The following CLEC4C variants were observed in gnomAD, a reference collection of about 807,000 sequenced individuals.
The protein encoded by CLEC4C is C-type lectin domain family 4 member C.
A neutral mutation model predicts 27.7 loss-of-function variants in CLEC4C; 17 were observed. The ratio of observed to expected loss-of-function variants is 0.61; its 90% CI spans 0.42 to 0.92. CLEC4C has a LOEUF of 0.92. Among genes scored for constraint, CLEC4C ranks in the 40% least tolerant of loss-of-function variants. The pLI is 0.00. For missense variants in CLEC4C, 244 were observed against 257.3 expected, an observed-to-expected ratio of 0.95 and a Z score of 0.35; for synonymous variants, 80 against 80.8, an observed-to-expected ratio of 0.99 and a Z score of 0.06.
chr12:7,737,051 T>C (rs745965518), intron 4 of CLEC4C, among the ~76,000 whole-genome samples: 3 of 151,944 alleles, frequency 2.0e-5, no homozygotes, highest in Non-Finnish European at 4.4e-5. Context: ...ACTAACATGG[T>C]GAAACCTCGT....
intron 3 of CLEC4C, among the ~76,000 whole-genome samples, chr12:7,739,691 T>G (rs1043927112): frequency 1.1e-5 from 1 of 91,484 alleles, no homozygotes; most frequent in African/African-American, 3.1e-5. Flanking sequence ...ATTTATTATC[T>G]TTTTTTTAGA....
At chr12:7,737,686 G>A (rs1261970242) in intron 3 of CLEC4C, 112 bp from the exon 4 acceptor site, 4 of 1,037,628 alleles carry the variant, frequency 3.9e-6, no homozygotes, top group Non-Finnish European at 5.5e-6. Flanking sequence ...GGATCTCCAC[G>A]GATTTTCCAA....
intron 2 of CLEC4C, 97 bp downstream of exon 2, chr12:7,746,231 AAAG>A (rs1418120583): frequency 5.5e-6 from 4 of 720,978 alleles, no homozygotes; most frequent in Admixed American, 2.8e-5. Flanking sequence ...AAAAAAAAAA[AAAG>A]AAAAAAAAAG....
At chr12:7,747,677 T>A (rs1377988505), upstream of CLEC4C, among the ~76,000 whole-genome samples, 1 of 131,240 alleles carries the variant, frequency 7.6e-6, no homozygotes, top group Non-Finnish European at 1.6e-5. Context: ...GGTCTCACTC[T>A]GCCACCCAGG....
At chr12:7,741,103 C>T (rs1159939711) in intron 3 of CLEC4C, among the ~76,000 whole-genome samples, 2 of 152,186 alleles carry the variant, frequency 1.3e-5, no homozygotes, top group Non-Finnish European at 2.9e-5. Flanking sequence ...GCTGGGATTA[C>T]AGGCTTGAGC....
intron 5 of CLEC4C, 136 bp downstream of exon 5, chr12:7,730,661 C>T (rs76691875): frequency 2.7e-6 from 1 of 371,524 alleles, no homozygotes; most frequent in South Asian, 3.5e-5. Flanking sequence ...AAAAAAAGCA[C>T]AACCCTTGAT....
intron 2 of CLEC4C, among the ~76,000 whole-genome samples, chr12:7,743,368 CTCACT>C (rs1201851995): frequency 4.0e-5 from 6 of 150,826 alleles, no homozygotes; most frequent in Non-Finnish European, 7.4e-5. Context: ...TTCACTTATC[CTCACT>C]TAATTCTTTT....
At chr12:7,734,328 T>C (rs912286116) in intron 4 of CLEC4C, among the ~76,000 whole-genome samples, 14 of 152,110 alleles carry the variant, frequency 9.2e-5, no homozygotes, top group Non-Finnish European at 1.5e-5. Flanking sequence ...TTGAAAACTT[T>C]GTACGGTTAG....
intron 2 of CLEC4C, among the ~76,000 whole-genome samples, chr12:7,743,003 T>C (rs1864891397): frequency 6.6e-6 from 1 of 152,164 alleles, no homozygotes; most frequent in South Asian, 2.1e-4. Flanking sequence ...CTTGTTTGTT[T>C]ATAAGTTTAC....
Position 7,730,701 on chromosome 12 carries a change from T to C in CLEC4C, c.497+96A>G, listed in dbSNP as rs1864575786. 3 of 666,728 alleles carry C rather than the reference T, an allele frequency of 4.5e-6. No individual in the cohort carries two copies. In the Admixed American group the frequency reaches 7.5e-5, roughly 17 times the overall value. The allele number at this position is 666,728 out of a possible 1,614,324, so 41.3% of individuals were successfully genotyped here. A position where few individuals can be genotyped will look rare whatever the true frequency, so the allele number is the denominator to read the frequency against. The stretch of plus-strand genomic sequence containing the variant: ...AATAGACCTAGGTTTTAAAAAGTGT[T>C]GTGGGTTTTATTGTTTGTTTGCTTA... On this transcript the variant is annotated intron_variant, in intron 5 of 5. Coordinates refer to ENST00000360345, the MANE Select transcript of CLEC4C (RefSeq NM_001371390.1).
chr12:7,737,617 A>T, intron 3 of CLEC4C, 43 bp from the exon 4 acceptor site: 3 of 1,565,330 alleles, frequency 1.9e-6, no homozygotes, highest in South Asian at 1.2e-5. Context: ...TTAACAGAGA[A>T]TTCTCCTCAC....
intron 1 of CLEC4C, 116 bp downstream of exon 1, chr12:7,747,198 TATTA>T (rs1474037668): frequency 2.3e-6 from 2 of 861,606 alleles, no homozygotes; most frequent in African/African-American, 3.3e-5. Context: ...CTGAAATTAC[TATTA>T]TTTATGAAAA....
At position 7,741,526 on chromosome 12, in the gene CLEC4C, G is replaced by C. The variant is rs145316143; in HGVS notation, c.130C>G (p.His44Asp). The change falls in exon 3 of 6, where the codon CAC (histidine) becomes GAC (aspartate). Residue 44 changes from histidine (H) to aspartate (D), a missense_variant. Coordinates refer to ENST00000360345, the MANE Select transcript of CLEC4C (RefSeq NM_001371390.1). ...ACAGTTTTGCTATACATAAAATTGTGAGGCACTGGGAAAGAGAAATCGGAG... is the reference window on the plus strand; with the variant it reads ...ACAGTTTTGCTATACATAAAATTGTCAGGCACTGGGAAAGAGAAATCGGAG... ...VCFTVSSVVPHNFMYSKTVKR... is the reference protein window; with the variant it reads ...VCFTVSSVVPDNFMYSKTVKR... 52 of 1,546,354 alleles carry C rather than the reference G, an allele frequency of 3.4e-5. No homozygotes were observed. The highest frequency in any genetic ancestry group is 4.2e-5 in the Non-Finnish European group (47 of 1,121,402).
intron 4 of CLEC4C, among the ~76,000 whole-genome samples, chr12:7,732,910 T>C (rs747436257): frequency 6.6e-6 from 1 of 151,896 alleles, no homozygotes; most frequent in South Asian, 2.1e-4. Flanking sequence ...ATCGCGCCAC[T>C]GCACTCCAGT....
chr12:7,748,986 T>G (rs1448167197), upstream of CLEC4C: 1 of 152,114 alleles, frequency 6.6e-6, no homozygotes, highest in Non-Finnish European at 1.5e-5. Flanking sequence ...TGGTAGATGG[T>G]TTGCTCACTA....
chr12:7,747,451 C>G, upstream of CLEC4C: 1 of 1,184,328 alleles, frequency 8.4e-7, no homozygotes. Flanking sequence ...TTCTTTCAAA[C>G]AAGCCAAGCC....
At chr12:7,732,385 C>T (rs745851735) in intron 4 of CLEC4C, among the ~76,000 whole-genome samples, 21 of 143,424 alleles carry the variant, frequency 1.5e-4, no homozygotes, top group Non-Finnish European at 2.9e-4. Context: ...TGGAGTCTCA[C>T]TCTGTCGCCA....
chr12:7,738,511 A>T (rs1036304571), intron 3 of CLEC4C, among the ~76,000 whole-genome samples: 2 of 152,016 alleles, frequency 1.3e-5, no homozygotes, highest in African/African-American at 4.8e-5. Context: ...ATATTTAAAA[A>T]TTTTTTTAGA....
At chr12:7,737,314 T>C (rs1177561525) in intron 4 of CLEC4C, 115 bp downstream of exon 4, 3 of 948,236 alleles carry the variant, frequency 3.2e-6, no homozygotes, top group Non-Finnish European at 4.4e-6. Context: ...GGGTTTTTTT[T>C]TACCCAGAAG....
Sources: gnomAD v4.1 joint callset for allele counts (sites outside exome capture counted in the v4.1 genomes callset) on GRCh38, gnomAD v4.1.1 for gene constraint, MANE v1.5 for transcripts, NCBI Gene and HGNC (gene_info 2026-07-23, HGNC 2026-07-21) for gene names.